The following E2F5 variants were observed in gnomAD, a reference collection of about 807,000 sequenced individuals.
The protein encoded by E2F5 is transcription factor E2F5.
A neutral mutation model predicts 39.1 loss-of-function variants in E2F5; 23 were observed. The ratio of observed to expected loss-of-function variants is 0.59; its 90% confidence interval spans 0.42 to 0.83. The LOEUF is 0.83. Among genes scored for constraint, E2F5 ranks in the 40% least tolerant of loss-of-function variants. E2F5 has a pLI of 0.00. For synonymous variants in E2F5, 145 were observed against 157.8 expected (o/e 0.92, Z 0.61); for missense variants, 365 against 406.7 (o/e 0.90, Z 0.88).
intron 1 of E2F5, among the ~76,000 whole-genome samples, chr8:85,191,421 T>A (rs142701529): frequency 2.8e-4 from 42 of 152,236 alleles, no homozygotes; most frequent in African/African-American, 9.1e-4. Flanking sequence ...AAAATAGAAT[T>A]TGAGTGTTCT....
At chr8:85,197,601 G>T (rs1019739947) in intron 1 of E2F5, among the ~76,000 whole-genome samples, 4 of 152,178 alleles carry the variant, frequency 2.6e-5, no homozygotes, top group South Asian at 4.2e-4. Context: ...TTTAATATTT[G>T]GAAGGGAGAT....
rs185936772 is a variant in E2F5, at chr8:85,206,167, A to G, written c.507-10A>G. 8 of 1,612,768 alleles carry G rather than the reference A, an allele frequency of 5.0e-6. No homozygotes were observed. The Admixed American group carries it at 8.3e-5, about 17-fold the overall frequency. On this transcript the variant is annotated splice_polypyrimidine_tract_variant and intron_variant, in intron 3 of 7. Transcript: ENST00000416274. ...ATATAAATGTCGTTCCTTAACTCCT[A>G]TGACAGTACATTTTCCTATGTAACT...
intron 1 of E2F5, among the ~76,000 whole-genome samples, chr8:85,195,809 G>T (rs1812567369): frequency 1.3e-5 from 2 of 152,086 alleles, no homozygotes; most frequent in Non-Finnish European, 2.9e-5. Flanking sequence ...AATTTTCAAA[G>T]TATGCAATTG....
intron 1 of E2F5, among the ~76,000 whole-genome samples, chr8:85,197,176 C>G (rs553671107): frequency 6.6e-6 from 1 of 152,292 alleles, no homozygotes; most frequent in Non-Finnish European, 1.5e-5. Context: ...TATGTATTGA[C>G]TTTTGTGATT....
intron 4 of E2F5, 113 bp from the exon 5 acceptor site, chr8:85,207,312 G>A: frequency 1.3e-6 from 1 of 775,580 alleles, no homozygotes; most frequent in Non-Finnish European, 2.0e-6. Flanking sequence ...AAAGCTCAAG[G>A]TCACCTAGTT....
rs1812347986 is a variant in E2F5 at position 85,186,718 on chromosome 8, GTGTATATATGA to G, written c.234+9066_234+9076del. Among the ~76,000 whole-genome samples, 4 of 146,314 alleles carry G rather than the reference GTGTATATATGA, an allele frequency of 2.7e-5. No homozygotes were observed. The South Asian group carries it at 8.4e-4, about 31-fold the overall frequency. ...ATATGGTATATATGGTATATATAAG[GTGTATATATGA>G]TATATATAAGGTATATATATGGTAT... On this transcript the variant is annotated intron_variant, in intron 1 of 7. Transcript: ENST00000416274.
chr8:85,181,330 C>T (rs932242034), intron 1 of E2F5, among the ~76,000 whole-genome samples: 1 of 151,624 alleles, frequency 6.6e-6, no homozygotes, highest in Non-Finnish European at 1.5e-5. Context: ...CTTAGTGACA[C>T]ATTTCTTCTT....
intron 2 of E2F5, 111 bp downstream of exon 2, chr8:85,202,367 C>A (rs1043021253): frequency 1.3e-6 from 1 of 746,000 alleles, no homozygotes; most frequent in African/African-American, 1.8e-5. Flanking sequence ...CAGTCAGGCC[C>A]CTCAGCTTTC....
At chr8:85,196,116 C>T (rs978549340) in intron 1 of E2F5, among the ~76,000 whole-genome samples, 1 of 151,984 alleles carries the variant, frequency 6.6e-6, no homozygotes, top group African/African-American at 2.4e-5. Flanking sequence ...GAGAGATTTC[C>T]TTGTGGTAGA....
intron 4 of E2F5, 95 bp downstream of exon 4, chr8:85,206,315 T>A: frequency 7.8e-7 from 1 of 1,284,864 alleles, no homozygotes; most frequent in South Asian, 1.3e-5. Flanking sequence ...TGTCATTATT[T>A]TCAGAAGTTG....
At chr8:85,180,533 T>C (rs1237241027) in intron 1 of E2F5, among the ~76,000 whole-genome samples, 1 of 122,902 alleles carries the variant, frequency 8.1e-6, no homozygotes, top group Non-Finnish European at 1.7e-5. Context: ...TATATATATA[T>C]ATATATATAT....
intron 1 of E2F5, among the ~76,000 whole-genome samples, chr8:85,188,356 T>G (rs531298927): frequency 1.4e-5 from 2 of 147,722 alleles, no homozygotes; most frequent in South Asian, 4.2e-4. Flanking sequence ...GACTTCCCTT[T>G]ACCATTTTTT....
At chr8:85,180,801 G>C (rs1212215616) in intron 1 of E2F5, among the ~76,000 whole-genome samples, 9 of 151,066 alleles carry the variant, frequency 6.0e-5, no homozygotes, top group Non-Finnish European at 1.3e-4. Flanking sequence ...GGATGGTCTC[G>C]ATCTTCTGAC....
intron 1 of E2F5, among the ~76,000 whole-genome samples, chr8:85,184,367 CAAAAT>C (rs1812282184): frequency 6.6e-6 from 1 of 152,172 alleles, no homozygotes; most frequent in Non-Finnish European, 1.5e-5. Context: ...GAACATATCT[CAAAAT>C]AATAAGGCTA....
intron 1 of E2F5, among the ~76,000 whole-genome samples, chr8:85,178,579 A>T (rs1182893099): frequency 6.6e-6 from 1 of 152,232 alleles, no homozygotes; most frequent in African/African-American, 2.4e-5. Context: ...ACAAACAAAC[A>T]AAAAACACTA....
chr8:85,190,111 C>G (rs933696267), intron 1 of E2F5, among the ~76,000 whole-genome samples: 2 of 152,238 alleles, frequency 1.3e-5, no homozygotes, highest in Non-Finnish European at 2.9e-5. Flanking sequence ...GCCACCTCGT[C>G]TATGCACTCC....
intron 3 of E2F5, 29 bp from the exon 4 acceptor site, chr8:85,206,148 A>C: frequency 3.1e-6 from 5 of 1,607,500 alleles, no homozygotes; most frequent in Non-Finnish European, 4.3e-6. Context: ...CTTGATATAA[A>C]TGTCGTTCCT....
At chr8:85,193,137 A>G (rs1812501248) in intron 1 of E2F5, among the ~76,000 whole-genome samples, 1 of 152,234 alleles carries the variant, frequency 6.6e-6, no homozygotes, top group South Asian at 2.1e-4. Context: ...AAATTTGAAA[A>G]GTAATGAATA....
chr8:85,183,764 G>T (rs1812271244), intron 1 of E2F5, among the ~76,000 whole-genome samples: 1 of 152,156 alleles, frequency 6.6e-6, no homozygotes, highest in Non-Finnish European at 1.5e-5. Context: ...AATGGAATTT[G>T]TTGCTTAATG....
Sources: allele counts gnomAD v4.1 joint callset (sites outside exome capture counted in the v4.1 genomes callset), GRCh38; gene constraint gnomAD v4.1.1; transcripts MANE v1.5; gene names NCBI Gene and HGNC (gene_info 2026-07-23, HGNC 2026-07-21).